The following STON1 variants were observed in gnomAD, a reference collection of about 807,000 sequenced individuals.
The protein encoded by STON1 is stonin-1.
STON1 carries 79 observed loss-of-function variants against 60.9 expected under a neutral mutation model. That is an observed-to-expected ratio of 1.30 (90% CI 1.08 to 1.56). The LOEUF (loss-of-function observed/expected upper bound fraction) is 1.56, where lower values mean the gene tolerates loss of function less well. STON1 is among the 40% of genes most tolerant of loss of function. STON1 has a pLI of 0.00. For synonymous variants in STON1, 363 were observed against 306.9 expected (o/e 1.18, Z -1.91); for missense variants, 1,166 against 858.9 (o/e 1.36, Z -4.47).
chr2:48,575,626 C>T (rs1486743670), intron 1 of STON1, among the ~76,000 whole-genome samples: 1 of 151,300 alleles, frequency 6.6e-6, no homozygotes, highest in African/African-American at 2.4e-5. Flanking sequence ...GCACTCCAGC[C>T]TGGGCAACAA....
At chr2:48,549,402 C>T (rs1405594242) in intron 1 of STON1, among the ~76,000 whole-genome samples, 1 of 152,084 alleles carries the variant, frequency 6.6e-6, no homozygotes, top group East Asian at 1.9e-4. Context: ...ACAAACCTTC[C>T]ATGGAACTAT....
At position 48,564,482 on chromosome 2, in the gene STON1, T is replaced by C. The variant is rs199606711; in HGVS notation, c.-47-16105T>C. On this transcript the variant is annotated intron_variant, in intron 1 of 3. Coordinates refer to ENST00000404752, the MANE Select transcript of STON1 (RefSeq NM_006873.4). ...TCTTCTTCTTCTTCTTCTTCTTCTT[T>C]CTTCTTCTTCTTCTTCTTCTTCTTC... Among the ~76,000 whole-genome samples the C allele has an allele frequency of 4.0e-3, 103 of 25,732 alleles. 7 individuals are homozygous for C. The highest frequency in any genetic ancestry group is 8.5e-3 in the South Asian group (5 of 590). 16.9% of individuals were successfully genotyped at this position (25,732 alleles called of 152,430 possible).
chr2:48,555,172 C>T lies in STON1; in HGVS notation c.-48+24956C>T, dbSNP rs1367332028. ...CCATCCGATTTCTCAATCTTTTCCC[C>T]GCCTTTCCCGCCTTTCTATTCCACA... On this transcript the variant is annotated intron_variant, in intron 1 of 3. Coordinates refer to ENST00000404752, the MANE Select transcript of STON1 (RefSeq NM_006873.4). Among the ~76,000 whole-genome samples, 146 of 97,080 alleles carry T rather than the reference C, an allele frequency of 1.5e-3. 18 individuals are homozygous for T. Among genetic ancestry groups the T allele is most frequent in the Non-Finnish European group, 2.3e-3 (107 of 46,790 alleles). The allele number at this position is 97,080 out of a possible 152,430, so 63.7% of individuals were successfully genotyped here. A position where few individuals can be genotyped will look rare whatever the true frequency, so the allele number is the denominator to read the frequency against.
At chr2:48,533,729 T>C (rs928357935) in intron 1 of STON1, among the ~76,000 whole-genome samples, 2 of 149,892 alleles carry the variant, frequency 1.3e-5, no homozygotes, top group East Asian at 3.9e-4. Context: ...TGTGACCTTT[T>C]AAAATCATGT....
intron 1 of STON1, among the ~76,000 whole-genome samples, chr2:48,572,919 A>C (rs1558619153): frequency 6.6e-6 from 1 of 152,172 alleles, no homozygotes; most frequent in Non-Finnish European, 1.5e-5. Flanking sequence ...GTGACAGTGA[A>C]ATGGCCTCCA....
intron 2 of STON1, among the ~76,000 whole-genome samples, chr2:48,584,869 G>A (rs1572639071): frequency 6.6e-6 from 1 of 152,132 alleles, no homozygotes; most frequent in East Asian, 1.9e-4. Context: ...CTGTTTGTTG[G>A]TTTAACACCT....
intron 1 of STON1, among the ~76,000 whole-genome samples, chr2:48,572,024 A>T (rs556125666): frequency 3.9e-5 from 6 of 152,004 alleles, no homozygotes; most frequent in Non-Finnish European, 7.4e-5. Context: ...TTAGCCTGGC[A>T]TGGTGGTGGG....
chr2:48,547,747 A>C (rs967578202), intron 1 of STON1, among the ~76,000 whole-genome samples: 2 of 152,222 alleles, frequency 1.3e-5, no homozygotes, highest in Non-Finnish European at 2.9e-5. Flanking sequence ...CGGAGCATAG[A>C]TAGAAGCCGG....
intron 1 of STON1, chr2:48,569,216 C>T (rs1673081158): frequency 1.3e-5 from 2 of 152,194 alleles, no homozygotes; most frequent in African/African-American, 2.4e-5. Flanking sequence ...ACCATGAACA[C>T]ATAGTTATTT....
At chr2:48,552,148 T>G (rs917914598) in intron 1 of STON1, among the ~76,000 whole-genome samples, 2 of 152,282 alleles carry the variant, frequency 1.3e-5, no homozygotes, top group Non-Finnish European at 2.9e-5. Context: ...GTCCATGCAA[T>G]GGAATATTAT....
chr2:48,555,495 G>T (rs1254162418), intron 1 of STON1, among the ~76,000 whole-genome samples: 3 of 93,606 alleles, frequency 3.2e-5, no homozygotes, highest in Admixed American at 9.5e-5. Context: ...TGGCCGGGTG[G>T]GGGGCTGACC....
chr2:48,564,434 C>A lies in STON1; in HGVS notation c.-47-16153C>A, dbSNP rs201469811. Among the ~76,000 whole-genome samples, 7 of 46,668 alleles carry A rather than the reference C, an allele frequency of 1.5e-4. No homozygotes were observed. The East Asian group carries it at 3.7e-3, about 24-fold the overall frequency. 30.6% of individuals were successfully genotyped at this position (46,668 alleles called of 152,430 possible). A position where few individuals can be genotyped will look rare whatever the true frequency, so the allele number is the denominator to read the frequency against. Reference sequence around the variant, plus strand: ...TCTTCTTCTTCTTCTTCTTCTTCTTCTTCTTCTTCTTCTTCTTCTTCTTCT... The same window carrying A: ...TCTTCTTCTTCTTCTTCTTCTTCTTATTCTTCTTCTTCTTCTTCTTCTTCT... On this transcript the variant is annotated intron_variant, in intron 1 of 3. Transcript: ENST00000404752.
chr2:48,586,512 G>A (rs529915908), intron 2 of STON1, among the ~76,000 whole-genome samples: 4 of 152,328 alleles, frequency 2.6e-5, no homozygotes, highest in Non-Finnish European at 4.4e-5. Flanking sequence ...TGGGGACTAG[G>A]GAGGGCTTCG....
chr2:48,582,116 G>C lies in STON1; in HGVS notation c.1483G>C (p.Glu495Gln), dbSNP rs137899415. 1.9e-6 allele frequency: 3 copies of C among 1,614,066 alleles called. No individual in the cohort carries two copies. In the African/African-American group the frequency reaches 4.0e-5, roughly 22 times the overall value. The change falls in exon 2 of 4, where the codon GAA (glutamate) becomes CAA (glutamine). Residue 495 changes from glutamate to glutamine, a missense_variant. Glu to Gln is a conservative substitution (Grantham distance 29). Coordinates refer to ENST00000404752, the MANE Select transcript of STON1 (RefSeq NM_006873.4). The stretch of plus-strand genomic sequence containing the variant: ...TTTTCATAAGTGTGTGAATGTACAA[G>C]AATTTGAGCAATCAAGAATCATTAA... ...YHFHKCVNVQEFEQSRIIKFV... is the reference protein window; with the variant it reads ...YHFHKCVNVQQFEQSRIIKFV...
intron 1 of STON1, 48 bp from the exon 2 acceptor site, chr2:48,580,539 C>T: frequency 7.7e-7 from 1 of 1,301,528 alleles, no homozygotes; most frequent in South Asian, 3.3e-5. Flanking sequence ...AATGATTCCC[C>T]CCTTCATTTT....
In STON1 at chr2:48,591,348, TTAGGAG is replaced by T. The variant is rs1226201596; in HGVS notation, c.1931-303_1931-298del. On this transcript the variant is annotated intron_variant, in intron 2 of 3. Transcript: ENST00000404752. ...GTAATATTTCTAATTGAAAACATTT[TTAGGAG>T]TTCATCTGTGCCTGCATATAGTAAT... Among the ~76,000 whole-genome samples the T allele has an allele frequency of 3.1e-3, 471 of 151,304 alleles. 2 individuals are homozygous for T. The highest frequency in any genetic ancestry group is 0.011 in the African/African-American group (448 of 41,392).
At position 48,598,426 on chromosome 2, in the gene STON1, A is replaced by G. The variant is rs1674878754; in HGVS notation, c.*3124A>G. On this transcript the variant is annotated 3_prime_UTR_variant, in exon 4 of 4. Coordinates refer to ENST00000404752, the MANE Select transcript of STON1 (RefSeq NM_006873.4). ...AGTTTTGTATTCTGTCAATGCAAATATAAGACAGGTTGAGCCTTAATCATG... is the reference window on the plus strand; with the variant it reads ...AGTTTTGTATTCTGTCAATGCAAATGTAAGACAGGTTGAGCCTTAATCATG... 6.6e-6 allele frequency: 1 copy of G among 152,668 alleles called. No individual in the cohort carries two copies. The highest frequency in any genetic ancestry group is 2.4e-5 in the African/African-American group (1 of 41,460). The allele number at this position is 152,668 out of a possible 1,614,324, so 9.5% of individuals were successfully genotyped here. A position where few individuals can be genotyped will look rare whatever the true frequency, so the allele number is the denominator to read the frequency against.
intron 1 of STON1, among the ~76,000 whole-genome samples, chr2:48,549,745 A>T (rs1174268232): frequency 6.8e-6 from 1 of 147,558 alleles, no homozygotes; most frequent in Non-Finnish European, 1.5e-5. Context: ...TCAGGGGGAC[A>T]GAGGTTGCAG....
chr2:48,593,564 T>A (rs1674644444), intron 3 of STON1, among the ~76,000 whole-genome samples: 1 of 152,262 alleles, frequency 6.6e-6, no homozygotes, highest in Non-Finnish European at 1.5e-5. Flanking sequence ...ATTTTATTTT[T>A]AAAAATTTAA....
Sources: gnomAD v4.1 joint callset for allele counts (sites outside exome capture counted in the v4.1 genomes callset) on GRCh38, gnomAD v4.1.1 for gene constraint, MANE v1.5 for transcripts, NCBI Gene and HGNC (gene_info 2026-07-23, HGNC 2026-07-21) for gene names.